Variants in CLSTN1 observed in about 807,000 individuals in gnomAD.
CLSTN1 encodes calsyntenin-1.
Under a neutral mutation model 108.3 loss-of-function variants are expected in CLSTN1, and 28 were observed. The ratio of observed to expected loss-of-function variants is 0.26; its 90% CI spans 0.19 to 0.35. The LOEUF is 0.35. Ranked by LOEUF, CLSTN1 falls within the 10% of genes least tolerant of loss-of-function variation. CLSTN1 has a pLI of 1.00. For missense variants in CLSTN1, 1,157 were observed against 1,302.6 expected (o/e 0.89, Z 1.72); for synonymous variants, 524 against 534.9 (o/e 0.98, Z 0.28).
chr1:9,809,421 G>A (rs1237523296), intron 1 of CLSTN1, among the ~76,000 whole-genome samples: 3 of 152,130 alleles, frequency 2.0e-5, no homozygotes, highest in Non-Finnish European at 4.4e-5. Context: ...AAGATAACAT[G>A]AACGGCCTCT....
At chr1:9,788,470 A>G (rs1653597758) in intron 1 of CLSTN1, among the ~76,000 whole-genome samples, 1 of 151,136 alleles carries the variant, frequency 6.6e-6, no homozygotes, top group South Asian at 2.2e-4. Context: ...TGGGAGACTG[A>G]GGCAGGACAA....
intron 1 of CLSTN1, among the ~76,000 whole-genome samples, chr1:9,793,403 TG>T (rs762921063): frequency 2.6e-5 from 4 of 151,366 alleles, no homozygotes; most frequent in Admixed American, 1.3e-4. Context: ...TGGGCCGTAA[TG>T]GGGCGCCAGG....
chr1:9,742,177 T>C (rs1026978307), intron 9 of CLSTN1, among the ~76,000 whole-genome samples: 1 of 152,214 alleles, frequency 6.6e-6, no homozygotes, highest in African/African-American at 2.4e-5. Context: ...AATCTGAACA[T>C]TGACTGGCTA....
In CLSTN1 at chr1:9,730,766, A is replaced by T. The variant is rs1159799762; in HGVS notation, c.2749-61T>A. The T allele has an allele frequency of 3.4e-6, 5 of 1,469,048 alleles. No homozygotes were observed. Among genetic ancestry groups the T allele is most frequent in the Non-Finnish European group, 4.6e-6 (5 of 1,081,570 alleles). 91.0% of individuals were successfully genotyped at this position (1,469,048 alleles called of 1,614,324 possible). A position where few individuals can be genotyped will look rare whatever the true frequency, so the allele number is the denominator to read the frequency against. ...CCTGCCCACAGCCCCGTCACCTGGC[A>T]TTCTCCTCTCGACAGCCACAGAGGA... On this transcript the variant is annotated intron_variant, in intron 18 of 18. Coordinates refer to ENST00000377298, the MANE Select transcript of CLSTN1 (RefSeq NM_001009566.3). The surrounding 1 kb of genome is among the most constrained non-coding windows in gnomAD (Gnocchi z 5.6).
intron 1 of CLSTN1, among the ~76,000 whole-genome samples, chr1:9,817,571 G>A (rs1415261328): frequency 2.0e-5 from 3 of 152,022 alleles, no homozygotes; most frequent in Admixed American, 6.6e-5. Flanking sequence ...AAGGTGATCC[G>A]CCTGCCTCGG....
chr1:9,810,229 A>G (rs940866414), intron 1 of CLSTN1, among the ~76,000 whole-genome samples: 5 of 139,002 alleles, frequency 3.6e-5, no homozygotes, highest in African/African-American at 1.3e-4. Context: ...TAATCCCAGA[A>G]CTTTGAGAGG....
intron 1 of CLSTN1, among the ~76,000 whole-genome samples, chr1:9,802,640 C>T (rs1027417737): frequency 6.6e-6 from 1 of 152,100 alleles, no homozygotes; most frequent in African/African-American, 2.4e-5. Flanking sequence ...AAAGACACCC[C>T]AGACCAGATC....
intron 1 of CLSTN1, among the ~76,000 whole-genome samples, chr1:9,815,168 G>C (rs1570527381): frequency 6.6e-6 from 1 of 152,254 alleles, no homozygotes; most frequent in East Asian, 1.9e-4. Context: ...ACAGACTGTA[G>C]GCTTGGATGC....
intron 1 of CLSTN1, among the ~76,000 whole-genome samples, chr1:9,821,213 A>T (rs1362782129): frequency 3.3e-5 from 5 of 152,072 alleles, no homozygotes; most frequent in Non-Finnish European, 1.5e-5. Context: ...GCTCACTGCA[A>T]CCTCCGCCTC....
At chr1:9,809,884 G>A (rs1281854238) in intron 1 of CLSTN1, among the ~76,000 whole-genome samples, 1 of 150,568 alleles carries the variant, frequency 6.6e-6, no homozygotes. Flanking sequence ...CTGAGGGAAA[G>A]AGCAAAACTC....
At chr1:9,798,975 G>A (rs1654134305) in intron 1 of CLSTN1, among the ~76,000 whole-genome samples, 2 of 152,046 alleles carry the variant, frequency 1.3e-5, no homozygotes, top group African/African-American at 4.8e-5. Flanking sequence ...GAGCCCAGGA[G>A]TTTGAGCCCA....
chr1:9,744,356 C>T (rs769673902), intron 8 of CLSTN1, 39 bp downstream of exon 8: 1 of 1,575,848 alleles, frequency 6.3e-7, no homozygotes, highest in South Asian at 1.2e-5. Context: ...CCCTACTGGA[C>T]ACTGGGGCCT....
rs1170882934 is a variant in CLSTN1, at chr1:9,743,809, C to T, written c.1356+75G>A. 3.9e-6 allele frequency: 6 copies of T among 1,557,580 alleles called. No homozygotes were observed. In the African/African-American group the frequency reaches 6.8e-5, roughly 18 times the overall value. ...CTGGGCTCAAGCAATCCTCGTGCCC[C>T]AGCCTCCCAAAGTGCTGGGATTATA... On this transcript the variant is annotated intron_variant, in intron 9 of 18. Coordinates refer to ENST00000377298, the MANE Select transcript of CLSTN1 (RefSeq NM_001009566.3).
At chr1:9,736,291 C>T (rs1650687783) in intron 11 of CLSTN1, among the ~76,000 whole-genome samples, 1 of 152,166 alleles carries the variant, frequency 6.6e-6, no homozygotes, top group South Asian at 2.1e-4. Flanking sequence ...AAGAGGTCCC[C>T]TGAGGGTCCC....
intron 1 of CLSTN1, among the ~76,000 whole-genome samples, chr1:9,786,125 G>T (rs1280439598): frequency 6.6e-6 from 1 of 152,124 alleles, no homozygotes; most frequent in East Asian, 1.9e-4. Context: ...GGAGGTGGAG[G>T]TTGCAGTGAG....
At chr1:9,743,081 T>C (rs1446773902) in intron 9 of CLSTN1, among the ~76,000 whole-genome samples, 1 of 152,192 alleles carries the variant, frequency 6.6e-6, no homozygotes, top group Non-Finnish European at 1.5e-5. Flanking sequence ...TCAGCTTTTG[T>C]CCACTAACTC....
chr1:9,799,275 G>A (rs554808845), intron 1 of CLSTN1, among the ~76,000 whole-genome samples: 8 of 152,274 alleles, frequency 5.3e-5, no homozygotes, highest in African/African-American at 1.2e-4. Context: ...CATGGGAACC[G>A]GTGCCAGGGT....
chr1:9,794,389 A>C (rs1557718183), intron 1 of CLSTN1, among the ~76,000 whole-genome samples: 1 of 151,094 alleles, frequency 6.6e-6, no homozygotes, highest in African/African-American at 2.4e-5. Flanking sequence ...GCTCACTGCA[A>C]CCTCCTCCTC....
intron 1 of CLSTN1, among the ~76,000 whole-genome samples, chr1:9,791,019 C>G (rs1010087340): frequency 6.6e-6 from 1 of 150,718 alleles, no homozygotes; most frequent in Non-Finnish European, 1.5e-5. Context: ...GTAGTCCCAG[C>G]TACTCGGGAG....
Sources: gnomAD v4.1 joint callset for allele counts (sites outside exome capture counted in the v4.1 genomes callset) on GRCh38, gnomAD v4.1.1 for gene constraint, Gnocchi (gnomAD v3.1) non-coding constraint, MANE v1.5 for transcripts, NCBI Gene and HGNC (gene_info 2026-07-23, HGNC 2026-07-21) for gene names.